Variants in ZNF131 observed in about 807,000 individuals in gnomAD.
The protein encoded by ZNF131 is zinc finger and BTB domain containing 35.
ZNF131 carries 7 observed loss-of-function variants against 60.0 expected under a neutral mutation model. The ratio of observed to expected loss-of-function variants is 0.12; its 90% CI spans 0.07 to 0.22. The LOEUF is 0.22. Ranked by LOEUF, ZNF131 falls within the 10% of genes least tolerant of loss-of-function variation. The pLI, the probability that ZNF131 is intolerant of heterozygous loss-of-function variation, is 1.00. For synonymous variants in ZNF131, 257 were observed against 253.2 expected, an observed-to-expected ratio of 1.01 and a Z score of -0.14; for missense variants, 493 against 740.9, an observed-to-expected ratio of 0.67 and a Z score of 3.88.
rs185502170 is a variant in ZNF131 at position 43,135,259 on chromosome 5, T to A, written c.227-3906T>A. On this transcript the variant is annotated intron_variant, in intron 3 of 6. Transcript: ENST00000682664. ...ATCCACCAACCTCGGCCTCCCAAAG[T>A]GCTGGGATTACAGGTGTGAGCCACT... is the stretch of plus-strand genomic sequence containing the variant. Among the ~76,000 whole-genome samples the A allele has an allele frequency of 5.9e-4, 86 of 145,378 alleles. 1 individual carries two copies. In the East Asian group the frequency reaches 0.015, roughly 26 times the overall value.
chr5:43,135,238 A>G (rs1350489949), intron 3 of ZNF131, among the ~76,000 whole-genome samples: 1 of 149,068 alleles, frequency 6.7e-6, no homozygotes, highest in Non-Finnish European at 1.5e-5. Flanking sequence ...CAGGTGATCC[A>G]CCAACCTCGG....
chr5:43,126,181 A>G lies in ZNF131; in HGVS notation c.226+2871A>G, dbSNP rs146807573. Among the ~76,000 whole-genome samples the G allele has an allele frequency of 2.1e-3, 315 of 152,160 alleles. 1 individual carries two copies. The highest frequency in any genetic ancestry group is 7.2e-3 in the African/African-American group (298 of 41,506). On this transcript the variant is annotated intron_variant, in intron 3 of 6. Transcript: ENST00000682664. ...TGACCTTAGATATCTTGGCTTCCTT[A>G]TTTTTCATGTCACATAATTTTGGAG...
intron 4 of ZNF131, among the ~76,000 whole-genome samples, chr5:43,155,325 G>T (rs895855511): frequency 2.0e-5 from 3 of 152,174 alleles, no homozygotes; most frequent in African/African-American, 7.2e-5. Context: ...GAACCTCAGG[G>T]CCTGTATGGG....
At chr5:43,163,398 C>T (rs1403552004) in intron 5 of ZNF131, among the ~76,000 whole-genome samples, 1 of 152,184 alleles carries the variant, frequency 6.6e-6, no homozygotes, top group Non-Finnish European at 1.5e-5. Flanking sequence ...GGCGGACATC[C>T]AGGGAGCTGA....
At position 43,176,262 on chromosome 5, in the gene ZNF131, T is replaced by C. The variant is rs1411802731; in HGVS notation, c.*1129T>C. 1 of 148,922 alleles carries C rather than the reference T, an allele frequency of 6.7e-6. No homozygotes were observed. The highest frequency in any genetic ancestry group is 1.5e-5 in the Non-Finnish European group (1 of 65,860). 9.2% of individuals were successfully genotyped at this position (148,922 alleles called of 1,614,324 possible). On this transcript the variant is annotated 3_prime_UTR_variant, in exon 7 of 7. Transcript: ENST00000682664. The stretch of plus-strand genomic sequence containing the variant: ...ACAAACCCATAGACCAATATGCTAT[T>C]TTTTTTACCTGTTAAATATTGGGAG...
intron 3 of ZNF131, among the ~76,000 whole-genome samples, chr5:43,132,881 T>TA (rs1240502459): frequency 6.6e-6 from 1 of 152,214 alleles, no homozygotes; most frequent in African/African-American, 2.4e-5. Flanking sequence ...CCAGCATTCT[T>TA]ACTGCTGTCC....
chr5:43,133,900 C>T (rs1442489832), intron 3 of ZNF131, among the ~76,000 whole-genome samples: 1 of 152,012 alleles, frequency 6.6e-6, no homozygotes, highest in Non-Finnish European at 1.5e-5. Flanking sequence ...AGAAACCTTC[C>T]AACAAAGAAA....
At chr5:43,125,130 C>T (rs1435399562) in intron 3 of ZNF131, 1 of 151,968 alleles carries the variant, frequency 6.6e-6, no homozygotes, top group African/African-American at 2.4e-5. Context: ...TAAGATGTCC[C>T]TTAAAGAAGT....
intron 6 of ZNF131, 94 bp from the exon 7 acceptor site, chr5:43,174,353 G>T: frequency 9.0e-7 from 1 of 1,107,470 alleles, no homozygotes. Context: ...TACAGAATAA[G>T]CCTTCAATCT....
intron 5 of ZNF131, among the ~76,000 whole-genome samples, chr5:43,167,636 A>G (rs1750524576): frequency 6.6e-6 from 1 of 152,090 alleles, no homozygotes; most frequent in Admixed American, 6.5e-5. Flanking sequence ...CTCTGAATTT[A>G]TTTTTATTTG....
intron 4 of ZNF131, among the ~76,000 whole-genome samples, chr5:43,140,805 C>A (rs552857167): frequency 1.3e-5 from 2 of 152,318 alleles, no homozygotes; most frequent in Non-Finnish European, 2.9e-5. Context: ...CAACCTCCAT[C>A]TCCTGGGTTC....
intron 4 of ZNF131, among the ~76,000 whole-genome samples, chr5:43,153,643 AAAAC>A (rs201035011): frequency 0.011 from 1,716 of 152,134 alleles, 26 homozygotes; most frequent in African/African-American, 0.038. Flanking sequence ...CTCCATCTCA[AAAAC>A]AAACAAACAA....
At chr5:43,136,081 C>G (rs1350390321) in intron 3 of ZNF131, among the ~76,000 whole-genome samples, 1 of 152,204 alleles carries the variant, frequency 6.6e-6, no homozygotes, top group Admixed American at 6.5e-5. Context: ...TGTACTCCAG[C>G]TCGGGCAACA....
intron 4 of ZNF131, among the ~76,000 whole-genome samples, chr5:43,142,805 C>T (rs1747028876): frequency 6.6e-6 from 1 of 151,800 alleles, no homozygotes; most frequent in Non-Finnish European, 1.5e-5. Context: ...GATCCTCCCA[C>T]CTTAGCCTCC....
chr5:43,145,851 G>C (rs1689866910), intron 4 of ZNF131, among the ~76,000 whole-genome samples: 1 of 152,102 alleles, frequency 6.6e-6, no homozygotes, highest in Non-Finnish European at 1.5e-5. Context: ...AATTCTAGTA[G>C]TTATTTGTGT....
In ZNF131 at chr5:43,130,264, CA is replaced by C. The variant is rs570313526; in HGVS notation, c.226+6972del. Among the ~76,000 whole-genome samples, 142 of 68,390 alleles carry C rather than the reference CA, an allele frequency of 2.1e-3. 3 individuals are homozygous for C. Among genetic ancestry groups the C allele is most frequent in the South Asian group, 0.019 (23 of 1,204 alleles). 44.9% of individuals were successfully genotyped at this position (68,390 alleles called of 152,430 possible). A position where few individuals can be genotyped will look rare whatever the true frequency, so the allele number is the denominator to read the frequency against. ...GAGCGATAGAGTAAGACTCTGTCTCCAAAAAAAAAAAAAAAAAAGAGGAAAG... is the reference window on the plus strand; with the variant it reads ...GAGCGATAGAGTAAGACTCTGTCTCCAAAAAAAAAAAAAAAAAGAGGAAAG... On this transcript the variant is annotated intron_variant, in intron 3 of 6. Transcript: ENST00000682664.
At chr5:43,142,398 G>A (rs1021024106) in intron 4 of ZNF131, among the ~76,000 whole-genome samples, 1 of 146,550 alleles carries the variant, frequency 6.8e-6, no homozygotes, top group African/African-American at 2.5e-5. Context: ...CGCCTCCCCC[G>A]GGTTCAAGCA....
chr5:43,123,567 G>C, intron 3 of ZNF131: 1 of 311,878 alleles, frequency 3.2e-6, no homozygotes, highest in Non-Finnish European at 5.9e-6. Context: ...GGTAGATGTT[G>C]GTCTTTTCCA....
rs1322361076 is a variant in ZNF131 at position 43,123,199 on chromosome 5, T to C, written c.125-10T>C. On this transcript the variant is annotated splice_polypyrimidine_tract_variant and intron_variant, in intron 2 of 6. Transcript: ENST00000682664. ...TGTATGATTTTCTTTTTTTTTCTTA[T>C]TTTACCTAGGACACCATTTTAAGGC... The C allele has an allele frequency of 1.3e-5, 20 of 1,574,900 alleles. No individual in the cohort carries two copies. Among genetic ancestry groups the C allele is most frequent in the Non-Finnish European group, 1.7e-5 (20 of 1,167,482 alleles).
Sources: allele counts gnomAD v4.1 joint callset (sites outside exome capture counted in the v4.1 genomes callset), GRCh38; gene constraint gnomAD v4.1.1; transcripts MANE v1.5; gene names NCBI Gene and HGNC (gene_info 2026-07-23, HGNC 2026-07-21).